Variants in COPA observed in about 807,000 individuals in gnomAD.
COPA encodes coat protein complex I subunit alpha.
Under a neutral mutation model 158.7 loss-of-function variants are expected in COPA, and 10 were observed. The ratio of observed to expected loss-of-function variants is 0.06; its 90% CI spans 0.04 to 0.11. The LOEUF is 0.11. COPA is among the 10% of genes least tolerant of loss of function. COPA has a pLI of 1.00. For synonymous variants in COPA, 462 were observed against 542.8 expected, an observed-to-expected ratio of 0.85 and a Z score of 2.07; for missense variants, 1,065 against 1,536.7, an observed-to-expected ratio of 0.69 and a Z score of 5.13.
chr1:160,291,309 A>T (rs368098667), intron 31 of COPA, 26 bp downstream of exon 31: 1 of 1,612,146 alleles, frequency 6.2e-7, no homozygotes, highest in South Asian at 1.1e-5. Context: ...TGGCTTCCCT[A>T]TGGTCACTGA....
At chr1:160,320,790 CTTAA>C (rs1659307567) in intron 8 of COPA, among the ~76,000 whole-genome samples, 1 of 88,746 alleles carries the variant, frequency 1.1e-5, no homozygotes, top group Non-Finnish European at 2.1e-5. Flanking sequence ...TATTCAAACT[CTTAA>C]AAAAAAAAAA....
Position 160,335,257 on chromosome 1 carries a change from G to T in COPA, c.294C>A (p.Thr98=). 1 of 1,609,892 alleles carries T rather than the reference G, an allele frequency of 6.2e-7. No individual in the cohort carries two copies. The highest frequency in any genetic ancestry group is 2.2e-5 in the East Asian group (1 of 44,666). ...TLLGHLDYIR[T]TFFHHEYPWI... Reference sequence around the variant, plus strand: ...GACTACTTACATGATGAAAAAACGTGGTGCGAATATAATCTAAGTGCCCAA... The same window carrying T: ...GACTACTTACATGATGAAAAAACGTTGTGCGAATATAATCTAAGTGCCCAA... Residue 98 remains threonine (T), a synonymous_variant, in exon 4 of 33, where the codon ACC becomes ACA. Transcript: ENST00000241704.
At chr1:160,296,788 C>T (rs1308671996) in intron 21 of COPA, among the ~76,000 whole-genome samples, 1 of 152,152 alleles carries the variant, frequency 6.6e-6, no homozygotes, top group African/African-American at 2.4e-5. Flanking sequence ...ATCCCTGACT[C>T]CTCTCTGTTA....
intron 6 of COPA, among the ~76,000 whole-genome samples, chr1:160,328,584 AAGAG>A (rs1324556387): frequency 6.6e-6 from 1 of 152,212 alleles, no homozygotes; most frequent in Middle Eastern, 3.2e-3. Flanking sequence ...AAGCAGGAAA[AAGAG>A]AGGGATGATA....
At position 160,295,775 on chromosome 1, in the gene COPA, C is replaced by A. The variant is rs1184922172; in HGVS notation, c.2437G>T (p.Val813Leu). ...GTGCCTTCAAAAAATCCTTTGGATACAGTCAATAAAGGCCAATTGGTATCC... is the reference window on the plus strand; with the variant it reads ...GTGCCTTCAAAAAATCCTTTGGATAAAGTCAATAAAGGCCAATTGGTATCC... ...PLDTNWPLLT[V>L]SKGFFEGTIA... The change falls in exon 23 of 33, where the codon GTA becomes TTA. Residue 813 changes from valine (V) to leucine (L), a missense_variant. Coordinates refer to ENST00000241704, the MANE Select transcript of COPA (RefSeq NM_004371.4). 1.2e-6 allele frequency: 2 copies of A among 1,611,954 alleles called. No individual in the cohort carries two copies. Among genetic ancestry groups the A allele is most frequent in the East Asian group, 2.2e-5 (1 of 44,876 alleles).
intron 13 of COPA, among the ~76,000 whole-genome samples, chr1:160,308,707 C>T (rs757438445): frequency 6.6e-6 from 1 of 152,092 alleles, no homozygotes; most frequent in East Asian, 1.9e-4. Flanking sequence ...GGAAGCAAAT[C>T]GGATCTGGAT....
chr1:160,301,448 A>G (rs1658599385), intron 17 of COPA, among the ~76,000 whole-genome samples: 1 of 152,162 alleles, frequency 6.6e-6, no homozygotes, highest in Non-Finnish European at 1.5e-5. Context: ...GGGACACTCA[A>G]CCTGTATATG....
intron 13 of COPA, among the ~76,000 whole-genome samples, chr1:160,308,621 A>T (rs1385783342): frequency 2.0e-5 from 3 of 152,234 alleles, no homozygotes; most frequent in Non-Finnish European, 2.9e-5. Context: ...AGAGGTAGGC[A>T]GGAGTCTCAG....
rs576293954 is a variant in COPA at position 160,333,738 on chromosome 1, T to C, written c.310-59A>G. 27 of 1,369,576 alleles carry C rather than the reference T, an allele frequency of 2.0e-5. No individual in the cohort carries two copies. In the East Asian group the frequency reaches 5.8e-4, roughly 29 times the overall value. 84.8% of individuals were successfully genotyped at this position (1,369,576 alleles called of 1,614,324 possible). A position where few individuals can be genotyped will look rare whatever the true frequency, so the allele number is the denominator to read the frequency against. On this transcript the variant is annotated intron_variant, in intron 4 of 32. Coordinates refer to ENST00000241704, the MANE Select transcript of COPA (RefSeq NM_004371.4). The stretch of plus-strand genomic sequence containing the variant: ...TAAACAAATCTGTTCTATCAGGTTC[T>C]TGTAATCATTTTTCTCTAAAGAACT...
intron 8 of COPA, chr1:160,317,823 T>C (rs1236924780): frequency 9.7e-6 from 7 of 722,624 alleles, no homozygotes; most frequent in African/African-American, 3.5e-5. Flanking sequence ...CTTTGAAACA[T>C]CTGGTAATCT....
intron 12 of COPA, among the ~76,000 whole-genome samples, chr1:160,309,660 A>G (rs990355216): frequency 6.6e-6 from 1 of 152,086 alleles, no homozygotes; most frequent in East Asian, 1.9e-4. Flanking sequence ...AACAGATTAG[A>G]CAATATAGTT....
rs768767888 is a variant in COPA, at chr1:160,290,594, T to G, written c.3513A>C (p.Ala1171=). 6.2e-7 allele frequency: 1 copy of G among 1,614,180 alleles called. No homozygotes were observed. Among genetic ancestry groups the G allele is most frequent in the South Asian group, 1.1e-5 (1 of 91,086 alleles). ...TTCCACGGTAGATGGGCCGATATGA[T>G]GCAGCACAAATGTCAAAGGGGTTGT... ...DMHNPFDICA[A]SYRPIYRGKP... is the part of the protein sequence containing the mutation. Residue 1171 remains alanine, a synonymous_variant, in exon 32 of 33, where the codon GCA becomes GCC. Coordinates refer to ENST00000241704, the MANE Select transcript of COPA (RefSeq NM_004371.4).
At chr1:160,321,586 G>C (rs892985718) in intron 8 of COPA, among the ~76,000 whole-genome samples, 3 of 152,108 alleles carry the variant, frequency 2.0e-5, no homozygotes, top group Non-Finnish European at 2.9e-5. Flanking sequence ...TCAAGAGTTC[G>C]AGACCAGCTT....
At chr1:160,338,216 T>A (rs1647864322) in intron 3 of COPA, among the ~76,000 whole-genome samples, 1 of 152,162 alleles carries the variant, frequency 6.6e-6, no homozygotes, top group African/African-American at 2.4e-5. Context: ...AAATAACAAA[T>A]ACAAAAATAC....
intron 3 of COPA, among the ~76,000 whole-genome samples, chr1:160,337,758 A>G (rs1647844505): frequency 6.6e-6 from 1 of 152,060 alleles, no homozygotes; most frequent in Admixed American, 6.5e-5. Flanking sequence ...ACAAAAAACA[A>G]ACCAAAAAAA....
At chr1:160,302,965 G>C (rs1033945486) in intron 17 of COPA, among the ~76,000 whole-genome samples, 2 of 152,126 alleles carry the variant, frequency 1.3e-5, no homozygotes, top group Admixed American at 1.3e-4. Flanking sequence ...TTGAGGTCAG[G>C]AGTTCGAGAC....
intron 17 of COPA, among the ~76,000 whole-genome samples, chr1:160,301,543 C>A (rs1408896118): frequency 6.6e-6 from 1 of 152,086 alleles, no homozygotes; most frequent in Non-Finnish European, 1.5e-5. Flanking sequence ...GAGGCCACGG[C>A]AGGCCGACTG....
rs76641602 is a variant in COPA at position 160,305,443 on chromosome 1, C to T, written c.1657G>A (p.Val553Ile). The change falls in exon 17 of 33, where the codon GTC becomes ATC. Residue 553 changes from valine to isoleucine, a missense_variant. Around this residue, in one of 2 missense-constraint regions of COPA, gnomAD observed 980 missense variants for 1,357.8 expected, o/e 0.72. Transcript: ENST00000241704. ...AGATAATTAACTTACCCAGTGGTGA[C>T]AGCATATTTGATGTGGTTGCTTGTG... ...YTTSNHIKYA[V>I]TTGDHGIIRT... The T allele has an allele frequency of 3.1e-6, 5 of 1,614,114 alleles. No homozygotes were observed. In the Middle Eastern group the frequency reaches 4.9e-4, roughly 160 times the overall value.
intron 6 of COPA, among the ~76,000 whole-genome samples, chr1:160,330,745 A>G (rs550815086): frequency 6.6e-6 from 1 of 152,072 alleles, no homozygotes; most frequent in East Asian, 1.9e-4. Flanking sequence ...GCAGAGGATG[A>G]CTCCTTTATT....
Sources: gnomAD v4.1 joint callset for allele counts (sites outside exome capture counted in the v4.1 genomes callset) on GRCh38, gnomAD v4.1.1 for gene constraint, gnomAD v4.1.1 regional missense constraint, MANE v1.5 for transcripts, NCBI Gene and HGNC (gene_info 2026-07-23, HGNC 2026-07-21) for gene names.